The following PRDM16 variants were observed in gnomAD, a reference collection of about 807,000 sequenced individuals.
PRDM16 encodes the protein PR/SET domain 16.
PRDM16 carries 23 observed loss-of-function variants against 110.6 expected under a neutral mutation model. The observed-to-expected ratio is 0.21, with a 90% confidence interval of 0.15 to 0.29. The LOEUF is 0.29. PRDM16 is among the 10% of genes least tolerant of loss of function. PRDM16 has a pLI of 1.00. For missense variants in PRDM16, 1,615 were observed against 1,794.3 expected (o/e 0.90, Z 1.81); for synonymous variants, 799 against 781.8 (o/e 1.02, Z -0.37).
At chr1:3,338,526 C>A (rs1642207413) in intron 3 of PRDM16, among the ~76,000 whole-genome samples, 1 of 152,146 alleles carries the variant, frequency 6.6e-6, no homozygotes, top group Non-Finnish European at 1.5e-5. Context: ...GACGGGGTGC[C>A]CGGGGAAAGC....
chr1:3,228,298 G>A (rs918111139), intron 2 of PRDM16, among the ~76,000 whole-genome samples: 8 of 152,192 alleles, frequency 5.3e-5, no homozygotes, highest in Admixed American at 1.3e-4. Flanking sequence ...GGATCCCACC[G>A]TTTTCTGCCT....
Position 3,365,117 on chromosome 1 carries a change from G to T in PRDM16, c.439-20035G>T, listed in dbSNP as rs1408937276. Among the ~76,000 whole-genome samples the T allele has an allele frequency of 2.6e-5, 4 of 152,200 alleles. No homozygotes were observed. In the East Asian group the frequency reaches 7.7e-4, roughly 29 times the overall value. ...GCAGCAACCTGGAGCTGGCACTGTG[G>T]GTTCCTTTTGGGTCTGTTCAGGAAA... On this transcript the variant is annotated intron_variant, in intron 3 of 16. Transcript: ENST00000270722.
At chr1:3,287,833 A>G (rs1267526526) in intron 3 of PRDM16, among the ~76,000 whole-genome samples, 25 of 101,382 alleles carry the variant, frequency 2.5e-4, no homozygotes, top group African/African-American at 6.4e-4. Context: ...ATTTACCGGG[A>G]CTGCAGCCGC....
intron 1 of PRDM16, among the ~76,000 whole-genome samples, chr1:3,151,035 T>C (rs1455658388): frequency 1.3e-5 from 2 of 149,774 alleles, no homozygotes; most frequent in Non-Finnish European, 1.5e-5. Flanking sequence ...CCTAGAGCTA[T>C]GGAAGCCGGG....
intron 3 of PRDM16, among the ~76,000 whole-genome samples, chr1:3,365,456 C>T (rs969302791): frequency 6.6e-6 from 1 of 152,244 alleles, no homozygotes; most frequent in Non-Finnish European, 1.5e-5. Flanking sequence ...TGCTCCCTCC[C>T]GCCTCTTCCT....
At chr1:3,409,751 G>A (rs1393297220) in intron 8 of PRDM16, among the ~76,000 whole-genome samples, 1 of 142,304 alleles carries the variant, frequency 7.0e-6, no homozygotes, top group African/African-American at 2.7e-5. Flanking sequence ...TGTGTGTGGT[G>A]TGGGTGTGAG....
At chr1:3,333,963 G>A (rs1557616006) in intron 3 of PRDM16, among the ~76,000 whole-genome samples, 1 of 152,164 alleles carries the variant, frequency 6.6e-6, no homozygotes, top group Non-Finnish European at 1.5e-5. Flanking sequence ...TGCTTATACA[G>A]CCTGCAGGAC....
At chr1:3,319,807 C>T (rs1039305042) in intron 3 of PRDM16, among the ~76,000 whole-genome samples, 1 of 152,212 alleles carries the variant, frequency 6.6e-6, no homozygotes, top group Non-Finnish European at 1.5e-5. Flanking sequence ...AGCAGGTAGG[C>T]GCTCCTCCCA....
intron 2 of PRDM16, among the ~76,000 whole-genome samples, chr1:3,187,221 C>G (rs1287151715): frequency 6.6e-6 from 1 of 152,172 alleles, no homozygotes; most frequent in East Asian, 1.9e-4. Context: ...CCCCACCCCC[C>G]CACAAAAAGT....
In PRDM16 at chr1:3,209,108, T is replaced by C. The variant is rs960721750; in HGVS notation, c.387+22634T>C. On this transcript the variant is annotated intron_variant, in intron 2 of 16. Coordinates refer to ENST00000270722, the MANE Select transcript of PRDM16 (RefSeq NM_022114.4). The surrounding 1 kb of genome is among the most constrained non-coding windows in gnomAD (Gnocchi z 4.6). ...GGAATGCCCTGTGCCAACCTAAACC[T>C]GGGGCAGGGTGGACAGCAGGTGGCT... 6.6e-6 allele frequency among the ~76,000 whole-genome samples: 1 copy of C among 152,086 alleles called. No homozygotes were observed. The highest frequency in any genetic ancestry group is 6.5e-5 in the Admixed American group (1 of 15,274).
In PRDM16 at chr1:3,122,446, G is replaced by A. The variant is rs142445618; in HGVS notation, c.37+53150G>A. Among the ~76,000 whole-genome samples the A allele has an allele frequency of 6.7e-3, 1,012 of 152,158 alleles. 6 individuals carry two copies. The highest frequency in any genetic ancestry group is 9.3e-3 in the Non-Finnish European group (634 of 67,990). ...GAGTCTGTCACAAACCTGAAGCAAT[G>A]TCTCTTCAAAGCTCTGTCCCAGAAG... On this transcript the variant is annotated intron_variant, in intron 1 of 16. Coordinates refer to ENST00000270722, the MANE Select transcript of PRDM16 (RefSeq NM_022114.4).
At chr1:3,328,481 C>T (rs891173203) in intron 3 of PRDM16, among the ~76,000 whole-genome samples, 6 of 152,212 alleles carry the variant, frequency 3.9e-5, no homozygotes, top group Admixed American at 2.6e-4. Flanking sequence ...GCCTGGCAGC[C>T]GGGGCTCTTA....
intron 4 of PRDM16, among the ~76,000 whole-genome samples, chr1:3,391,650 A>C (rs902933612): frequency 1.2e-4 from 19 of 152,238 alleles, no homozygotes; most frequent in Admixed American, 1.2e-3. Context: ...ACTTAGGCTT[A>C]ATAAAAATGC....
intron 3 of PRDM16, among the ~76,000 whole-genome samples, chr1:3,384,568 G>A (rs922986840): frequency 1.3e-5 from 2 of 152,216 alleles, no homozygotes; most frequent in African/African-American, 2.4e-5. Context: ...AAGTTGGTTC[G>A]CGTGTGACTT....
chr1:3,256,402 G>A (rs78242873), intron 3 of PRDM16, among the ~76,000 whole-genome samples: 2,104 of 152,228 alleles, frequency 0.014, 46 homozygotes, highest in African/African-American at 0.044. Context: ...TGTGGACTTC[G>A]TTAATAATAA....
chr1:3,347,900 T>C (rs1318822275), intron 3 of PRDM16, among the ~76,000 whole-genome samples: 1 of 151,954 alleles, frequency 6.6e-6, no homozygotes, highest in Non-Finnish European at 1.5e-5. Context: ...GCCCATCCCC[T>C]GTGACTTCAG....
chr1:3,394,414 A>C, intron 4 of PRDM16: 2 of 446,556 alleles, frequency 4.5e-6, no homozygotes, highest in Non-Finnish European at 8.9e-6. Flanking sequence ...AGTGGAGCGG[A>C]GCCGAGAAGC....
chr1:3,089,129 C>T (rs982531871), intron 1 of PRDM16, among the ~76,000 whole-genome samples: 2 of 152,232 alleles, frequency 1.3e-5, no homozygotes, highest in Non-Finnish European at 2.9e-5. Flanking sequence ...CCCCTTGTCG[C>T]CCCACCTGTC....
intron 8 of PRDM16, among the ~76,000 whole-genome samples, chr1:3,410,774 C>T (rs1643671518): frequency 6.6e-6 from 1 of 152,170 alleles, no homozygotes; most frequent in African/African-American, 2.4e-5. Context: ...CAGGGCGGGC[C>T]CTGAGCCAGC....
Sources: allele counts gnomAD v4.1 joint callset (sites outside exome capture counted in the v4.1 genomes callset), GRCh38; gene constraint gnomAD v4.1.1; non-coding constraint Gnocchi (gnomAD v3.1); transcripts MANE v1.5; gene names NCBI Gene and HGNC (gene_info 2026-07-23, HGNC 2026-07-21).